Variants in PLEK observed in about 807,000 individuals in gnomAD.
PLEK encodes the protein pleckstrin.
Under a neutral mutation model 43.9 loss-of-function variants are expected in PLEK, and 25 were observed. The ratio of observed to expected loss-of-function variants is 0.57; its 90% CI spans 0.41 to 0.79. The LOEUF (loss-of-function observed/expected upper bound fraction) is 0.79. PLEK is among the 30% of genes least tolerant of loss of function. The probability of loss-of-function intolerance (pLI) is 0.00; values close to 1 mark genes in which losing one functional copy is unlikely to be tolerated. For missense variants in PLEK, 396 were observed against 413.3 expected (o/e 0.96, Z 0.36); for synonymous variants, 152 against 144.4 (o/e 1.05, Z -0.38).
chr2:68,374,010 A>C (rs1403369620), intron 1 of PLEK, among the ~76,000 whole-genome samples: 1 of 152,228 alleles, frequency 6.6e-6, no homozygotes, highest in Non-Finnish European at 1.5e-5. Flanking sequence ...GGAAACTAGT[A>C]CCATTATTCA....
intron 6 of PLEK, among the ~76,000 whole-genome samples, chr2:68,391,443 G>A (rs925922543): frequency 2.0e-5 from 3 of 152,206 alleles, no homozygotes. Flanking sequence ...GCAAAGAGCA[G>A]CAATGTATAC....
chr2:68,368,754 C>T (rs1673332427), intron 1 of PLEK, among the ~76,000 whole-genome samples: 2 of 152,194 alleles, frequency 1.3e-5, no homozygotes, highest in African/African-American at 4.8e-5. Context: ...CTAGACTCCT[C>T]CAAGTCATGT....
intron 1 of PLEK, among the ~76,000 whole-genome samples, chr2:68,368,064 G>A (rs550962226): frequency 6.6e-6 from 1 of 152,272 alleles, no homozygotes; most frequent in Non-Finnish European, 1.5e-5. Context: ...ACTGTAAAAC[G>A]TTTCTGCTTT....
chr2:68,367,900 ACCTGGGTAGTAACAGAGAACATCTTTGT>A (rs1673315228), intron 1 of PLEK, among the ~76,000 whole-genome samples: 1 of 152,228 alleles, frequency 6.6e-6, no homozygotes, highest in African/African-American at 2.4e-5. Context: ...AGTTCAAGAT[ACCTGGGTAGTAACAGAGAACATCTTTGT>A]CCTGTGTCTT....
intron 1 of PLEK, among the ~76,000 whole-genome samples, chr2:68,369,713 A>AT (rs1673357020): frequency 1.3e-5 from 2 of 152,042 alleles, no homozygotes; most frequent in Non-Finnish European, 2.9e-5. Context: ...TGTTACCTTC[A>AT]TTTTACAGGT....
chr2:68,383,032 C>A (rs941617509), intron 4 of PLEK, among the ~76,000 whole-genome samples: 9 of 152,274 alleles, frequency 5.9e-5, no homozygotes, highest in South Asian at 2.1e-4. Context: ...AGAGGCTGCA[C>A]AGGGTCAGGT....
intron 5 of PLEK, among the ~76,000 whole-genome samples, chr2:68,387,229 C>T (rs900595028): frequency 6.6e-6 from 1 of 152,314 alleles, no homozygotes; most frequent in Middle Eastern, 3.4e-3. Context: ...TGGTCTCGAA[C>T]TCCTGACCTC....
intron 5 of PLEK, among the ~76,000 whole-genome samples, chr2:68,387,783 T>G (rs1422932800): frequency 2.6e-5 from 4 of 152,168 alleles, no homozygotes; most frequent in African/African-American, 9.7e-5. Context: ...TCTGTTTTTT[T>G]TTTTTCTTCA....
Position 68,395,712 on chromosome 2 carries a change from A to G in PLEK, c.949A>G (p.Ile317Val). 2 of 1,614,002 alleles carry G rather than the reference A, an allele frequency of 1.2e-6. No individual in the cohort carries two copies. Among genetic ancestry groups the G allele is most frequent in the Non-Finnish European group, 1.7e-6 (2 of 1,179,936 alleles). ...GAGTGAGGAAGAGAACCTTTTTGAG[A>G]TCATCACAGCAGATGAAGTGCACTA... ...RKSEEENLFEIITADEVHYFL... is the reference protein window; with the variant it reads ...RKSEEENLFEVITADEVHYFL... Residue 317 changes from isoleucine (I) to valine (V), a missense_variant, in exon 9 of 9, where the codon ATC becomes GTC. Transcript: ENST00000234313.
At chr2:68,384,831 A>G (rs531227768) in intron 4 of PLEK, among the ~76,000 whole-genome samples, 65 of 152,314 alleles carry the variant, frequency 4.3e-4, no homozygotes, top group African/African-American at 1.5e-3. Flanking sequence ...CCTGAGCCTT[A>G]ATTTTCTTAT....
chr2:68,382,497 T>G (rs751202012), intron 3 of PLEK, 45 bp from the exon 4 acceptor site: 75 of 1,125,028 alleles, frequency 6.7e-5, no homozygotes, highest in South Asian at 1.1e-4. Context: ...TCCAACTGGG[T>G]TTTTTTTTGT....
At chr2:68,384,555 G>A (rs1416774234) in intron 4 of PLEK, among the ~76,000 whole-genome samples, 3 of 152,176 alleles carry the variant, frequency 2.0e-5, no homozygotes, top group Non-Finnish European at 4.4e-5. Context: ...GAAGGCCAGG[G>A]TGGGTTTTGG....
chr2:68,394,871 G>A (rs1673934497), intron 8 of PLEK, among the ~76,000 whole-genome samples: 1 of 152,158 alleles, frequency 6.6e-6, no homozygotes, highest in Admixed American at 6.5e-5. Context: ...CCCTGGTTTT[G>A]TCCTGACATT....
intron 3 of PLEK, among the ~76,000 whole-genome samples, chr2:68,382,145 T>A (rs1673630797): frequency 6.6e-6 from 1 of 152,134 alleles, no homozygotes; most frequent in Non-Finnish European, 1.5e-5. Flanking sequence ...CATTAAAGAA[T>A]TGGGATATGA....
intron 1 of PLEK, among the ~76,000 whole-genome samples, chr2:68,366,632 G>A (rs557630452): frequency 6.6e-6 from 1 of 152,316 alleles, no homozygotes; most frequent in East Asian, 1.9e-4. Flanking sequence ...AGTTGGTACT[G>A]GAGAATAAGT....
At chr2:68,368,110 C>T (rs780368820) in intron 1 of PLEK, among the ~76,000 whole-genome samples, 1 of 152,162 alleles carries the variant, frequency 6.6e-6, no homozygotes, top group Non-Finnish European at 1.5e-5. Context: ...ATTTCACAAT[C>T]CAGGTTTCCT....
chr2:68,373,665 C>T (rs1171334938), intron 1 of PLEK, among the ~76,000 whole-genome samples: 7 of 151,978 alleles, frequency 4.6e-5, no homozygotes, highest in Middle Eastern at 3.5e-3. Flanking sequence ...CATGCAATGC[C>T]AGCTTATCGC....
intron 7 of PLEK, 70 bp downstream of exon 7, chr2:68,393,315 T>G (rs1673896786): frequency 3.9e-6 from 4 of 1,024,254 alleles, no homozygotes; most frequent in Non-Finnish European, 6.2e-6. Flanking sequence ...GGGCTTCCTA[T>G]TCCCCTCTCT....
At chr2:68,381,133 C>CAG (rs10538878) in intron 3 of PLEK, among the ~76,000 whole-genome samples, 119 of 150,180 alleles carry the variant, frequency 7.9e-4, no homozygotes, top group African/African-American at 1.7e-3. Context: ...TACTGGGTAC[C>CAG]AGAGAGAGAG....
Sources: gnomAD v4.1 joint callset for allele counts (sites outside exome capture counted in the v4.1 genomes callset) on GRCh38, gnomAD v4.1.1 for gene constraint, MANE v1.5 for transcripts, NCBI Gene and HGNC (gene_info 2026-07-23, HGNC 2026-07-21) for gene names.